DIP2A: variants seen among roughly 807,000 people sequenced by gnomAD.
DIP2A encodes the protein disco-interacting protein 2 homolog A.
Under a neutral mutation model 177.4 loss-of-function variants are expected in DIP2A, and 85 were observed. That is an observed-to-expected ratio of 0.48 (90% confidence interval 0.40 to 0.57). The LOEUF is 0.57. Among genes scored for constraint, DIP2A ranks in the 20% least tolerant of loss-of-function variants. The probability of loss-of-function intolerance (pLI) is 0.00; values close to 1 mark genes in which losing one functional copy is unlikely to be tolerated. For synonymous variants in DIP2A, 886 were observed against 881.8 expected, an observed-to-expected ratio of 1.00 and a Z score of -0.08; for missense variants, 1,791 against 2,100.2, an observed-to-expected ratio of 0.85 and a Z score of 2.88.
intron 7 of DIP2A, among the ~76,000 whole-genome samples, chr21:46,510,631 T>C (rs2058263380): frequency 2.4e-5 from 1 of 40,998 alleles, no homozygotes. Context: ...AATAATCTTT[T>C]TTTTTTTTTT....
chr21:46,526,671 A>G (rs1299485413), intron 8 of DIP2A, among the ~76,000 whole-genome samples: 1 of 152,202 alleles, frequency 6.6e-6, no homozygotes, highest in Non-Finnish European at 1.5e-5. Flanking sequence ...CCAGGATTAC[A>G]GGTGTGAGCC....
intron 1 of DIP2A, among the ~76,000 whole-genome samples, chr21:46,470,662 T>C (rs1248037462): frequency 6.6e-6 from 1 of 151,640 alleles, no homozygotes; most frequent in Non-Finnish European, 1.5e-5. Context: ...TCCCAGCTAC[T>C]CAGGAGGCTG....
At position 46,463,680 on chromosome 21, in the gene DIP2A, T is replaced by TTTTGTGTGTGTG. The variant is rs1555858071; in HGVS notation, c.91+4459_91+4460insTTGTGTGTGTGT. On this transcript the variant is annotated intron_variant, in intron 1 of 37. Coordinates refer to ENST00000417564, the MANE Select transcript of DIP2A (RefSeq NM_015151.4). Reference sequence around the variant, plus strand: ...TTAATTTCTAAAATCTGGGATATATTTGTGTGTGTGTGTGTGTGTGTGTGT... The same window carrying TTTTGTGTGTGTG: ...TTAATTTCTAAAATCTGGGATATATTTTTGTGTGTGTGTGTGTGTGTGTGTGTGTGTGTGTGT... Among the ~76,000 whole-genome samples the TTTTGTGTGTGTG allele has an allele frequency of 1.6e-4, 21 of 131,038 alleles. No homozygotes were observed. In the East Asian group the frequency reaches 4.2e-3, roughly 26 times the overall value. The allele number at this position is 131,038 out of a possible 152,430, so 86.0% of individuals were successfully genotyped here.
chr21:46,509,764 A>G (rs1253383455), intron 7 of DIP2A, among the ~76,000 whole-genome samples: 1 of 152,164 alleles, frequency 6.6e-6, no homozygotes, highest in Non-Finnish European at 1.5e-5. Context: ...TGAAATACGT[A>G]TTTAGGAAGA....
Position 46,534,611 on chromosome 21 carries a change from G to A in DIP2A, c.1566G>A (p.Thr522=), listed in dbSNP as rs770677246. 8.7e-6 allele frequency: 14 copies of A among 1,613,358 alleles called. No homozygotes were observed. The highest frequency in any genetic ancestry group is 1.7e-5 in the Admixed American group (1 of 59,986). Residue 522 remains threonine, a synonymous_variant, in exon 13 of 38, where the codon ACG becomes ACA. Coordinates refer to ENST00000417564, the MANE Select transcript of DIP2A (RefSeq NM_015151.4). ...IEYKTSKEGS[T]VGVTVSHASL... ...ATAAAACCAGCAAAGAAGGCAGTAC[G>A]GTGGGGGTCACAGTGTCCCACGCAT...
intron 1 of DIP2A, among the ~76,000 whole-genome samples, chr21:46,483,845 G>A (rs1400359117): frequency 6.6e-6 from 1 of 152,178 alleles, no homozygotes; most frequent in East Asian, 1.9e-4. Flanking sequence ...CAGAGGACAA[G>A]CTAATCATGA....
chr21:46,537,525 TG>T lies in DIP2A; in HGVS notation c.1788del (p.Cys597AlafsTer10), dbSNP rs1222836682. ...AACCCACTCTCCTGGATCCAGAAAGTGTGCTTCTATAAAGGTAACGGATACC... is the reference window on the plus strand; with the variant it reads ...AACCCACTCTCCTGGATCCAGAAAGTTGCTTCTATAAAGGTAACGGATACC... ...KANPLSWIQK[V>X]CFYKARAALV... On this transcript the variant is annotated frameshift_variant, in exon 15 of 38. Transcript: ENST00000417564. LOFTEE classifies it high-confidence loss of function. This position sits in a 1 kb window ranked among gnomAD's most constrained non-coding sequence, Gnocchi z 4.1. The T allele has an allele frequency of 6.2e-7, 1 of 1,614,142 alleles. No individual in the cohort carries two copies.
chr21:46,539,046 T>G (rs1264106475), intron 16 of DIP2A: 4 of 106,252 alleles, frequency 3.8e-5, no homozygotes, highest in Admixed American at 3.6e-4. Flanking sequence ...CAGGAGGAGC[T>G]CCCTATGGCT....
rs1048317451 is a variant in DIP2A at position 46,498,747 on chromosome 21, G to A, written c.569G>A (p.Arg190Lys). 16 of 1,613,740 alleles carry A rather than the reference G, an allele frequency of 9.9e-6. No individual in the cohort carries two copies. In the African/African-American group the frequency reaches 1.9e-4, roughly 19 times the overall value. The change falls in exon 5 of 38, where the codon AGA becomes AAA. Residue 190 changes from arginine to lysine, a missense_variant. Coordinates refer to ENST00000417564, the MANE Select transcript of DIP2A (RefSeq NM_015151.4). The surrounding 1 kb of genome is among the most constrained non-coding windows in gnomAD (Gnocchi z 4.3). ...TCCACCTCATCTCACCCGGGAGGGA[G>A]ACCCACCACTGCTCCCAGTGCTGCA... The part of the protein sequence containing the change: ...ASSTSSHPGG[R>K]PTTAPSAAAT...
chr21:46,558,089 C>A, intron 31 of DIP2A, 134 bp from the exon 32 acceptor site: 1 of 942,938 alleles, frequency 1.1e-6, no homozygotes, highest in Non-Finnish European at 1.5e-6. Context: ...GTGGAACAGA[C>A]ACAGCCTGCG....
rs1236988006 is a variant in DIP2A, at chr21:46,569,451, A to G, written c.*1829A>G. 6.6e-6 allele frequency: 1 copy of G among 151,322 alleles called. No homozygotes were observed. Among genetic ancestry groups the G allele is most frequent in the Non-Finnish European group, 1.5e-5 (1 of 67,930 alleles). The allele number at this position is 151,322 out of a possible 1,614,324, so 9.4% of individuals were successfully genotyped here. On this transcript the variant is annotated 3_prime_UTR_variant, in exon 38 of 38. Transcript: ENST00000417564. ...AGGTTTGGGAAGTAGTCTAATGGACATTCCTTACAATAGAATGGCTGGGAA... is the reference window on the plus strand; with the variant it reads ...AGGTTTGGGAAGTAGTCTAATGGACGTTCCTTACAATAGAATGGCTGGGAA...
At chr21:46,525,872 T>C (rs1257525015) in intron 8 of DIP2A, 16 of 5,366 alleles carry the variant, frequency 3.0e-3, no homozygotes, top group Admixed American at 8.7e-3. Context: ...GCATTATTAT[T>C]ATTATTATTA....
chr21:46,515,801 G>A (rs1171615671), intron 8 of DIP2A, among the ~76,000 whole-genome samples: 2 of 152,132 alleles, frequency 1.3e-5, no homozygotes, highest in African/African-American at 4.8e-5. Context: ...CTCCCAAAGT[G>A]CTGGGATTAC....
At chr21:46,463,678 A>ATT (rs199593038) in intron 1 of DIP2A, among the ~76,000 whole-genome samples, 2,738 of 98,726 alleles carry the variant, frequency 0.028, 28 homozygotes, top group Non-Finnish European at 0.037. Context: ...TCTGGGATAT[A>ATT]TTTGTGTGTG....
intron 8 of DIP2A, among the ~76,000 whole-genome samples, chr21:46,517,394 G>A (rs1270584840): frequency 6.6e-6 from 1 of 151,966 alleles, no homozygotes; most frequent in Non-Finnish European, 1.5e-5. Context: ...ATTGAATATT[G>A]TATGTTGTGT....
At chr21:46,520,189 C>T (rs1343775513) in intron 8 of DIP2A, among the ~76,000 whole-genome samples, 1 of 152,058 alleles carries the variant, frequency 6.6e-6, no homozygotes, top group Non-Finnish European at 1.5e-5. Flanking sequence ...CAGATTTTTA[C>T]ATTACCCATC....
At chr21:46,545,084 G>A in intron 18 of DIP2A, 53 bp from the exon 19 acceptor site, 1 of 1,515,676 alleles carries the variant, frequency 6.6e-7, no homozygotes, top group Non-Finnish European at 8.9e-7. Flanking sequence ...ATCTTTGTGA[G>A]TGATCCATTT....
At chr21:46,484,669 T>A in intron 1 of DIP2A, 88 bp from the exon 2 acceptor site, 1 of 1,144,026 alleles carries the variant, frequency 8.7e-7, no homozygotes, top group Non-Finnish European at 1.2e-6. Context: ...CATCAGTGTT[T>A]CCAGTTTTTC....
At position 46,532,144 on chromosome 21, in the gene DIP2A, G is replaced by C. The variant is rs766296826; in HGVS notation, c.1212G>C (p.Pro404=). 1 of 1,613,536 alleles carries C rather than the reference G, an allele frequency of 6.2e-7. No homozygotes were observed. Among genetic ancestry groups the C allele is most frequent in the Non-Finnish European group, 8.5e-7 (1 of 1,179,656 alleles). ...KPGDRVALVF[P]NSDPVMFMVA... Reference sequence around the variant, plus strand: ...TGTTGTAGGTGGCGCTCGTGTTTCCGAATAGTGACCCTGTGATGTTCATGG... The same window carrying C: ...TGTTGTAGGTGGCGCTCGTGTTTCCCAATAGTGACCCTGTGATGTTCATGG... Residue 404 remains proline (P), a synonymous_variant, in exon 10 of 38, where the codon CCG becomes CCC. Transcript: ENST00000417564.
Sources: allele counts gnomAD v4.1 joint callset (sites outside exome capture counted in the v4.1 genomes callset), GRCh38; gene constraint gnomAD v4.1.1; non-coding constraint Gnocchi (gnomAD v3.1); transcripts MANE v1.5; gene names NCBI Gene and HGNC (gene_info 2026-07-23, HGNC 2026-07-21).